CYP46A1: variants seen among roughly 807,000 people sequenced by gnomAD.
CYP46A1 encodes cholesterol 24-hydroxylase.
CYP46A1 carries 20 observed loss-of-function variants against 63.3 expected under a neutral mutation model. The observed-to-expected ratio is 0.32, with a 90% confidence interval of 0.22 to 0.46. The LOEUF (loss-of-function observed/expected upper bound fraction) is 0.46, where lower values mean the gene tolerates loss of function less well. Among genes scored for constraint, CYP46A1 ranks in the 20% least tolerant of loss-of-function variants. The probability of loss-of-function intolerance (pLI) is 1.00; values close to 1 mark genes in which losing one functional copy is unlikely to be tolerated. For missense variants in CYP46A1, 445 were observed against 670.8 expected, an observed-to-expected ratio of 0.66 and a Z score of 3.72; for synonymous variants, 268 against 273.6, an observed-to-expected ratio of 0.98 and a Z score of 0.20.
Position 99,725,489 on chromosome 14 carries a change from T to G in CYP46A1, c.1265+10T>G. The G allele has an allele frequency of 1.2e-6, 2 of 1,608,368 alleles. No homozygotes were observed. The highest frequency in any genetic ancestry group is 1.7e-6 in the Non-Finnish European group (2 of 1,174,800). On this transcript the variant is annotated intron_variant, in intron 13 of 14. Coordinates refer to ENST00000261835, the MANE Select transcript of CYP46A1 (RefSeq NM_006668.2). The surrounding 1 kb of genome is among the most constrained non-coding windows in gnomAD (Gnocchi z 4.2). ...GCCCTGGAGCACCCAAGTAAGTCCC[T>G]CCTGGAGCTGCCCATGAGTGGGGCT...
In CYP46A1 at chr14:99,726,223, C is replaced by T; in HGVS notation, c.1299C>T (p.Gly433=). Residue 433 remains glycine (G), a synonymous_variant, in exon 14 of 15, where the codon GGC becomes GGT. Transcript: ENST00000261835. The part of the protein sequence containing the change: ...PRFTYFPFSL[G]HRSCIGQQFA... ...TCACCTACTTCCCCTTCTCCCTGGG[C>T]CACCGCTCCTGCATCGGGCAGCAGT... is the stretch of plus-strand genomic sequence containing the variant. 1.2e-6 allele frequency: 2 copies of T among 1,613,948 alleles called. No homozygotes were observed. Among genetic ancestry groups the T allele is most frequent in the Admixed American group, 1.7e-5 (1 of 60,022 alleles).
chr14:99,719,327 T>C (rs2056821798), intron 10 of CYP46A1, among the ~76,000 whole-genome samples: 1 of 151,782 alleles, frequency 6.6e-6, no homozygotes, highest in African/African-American at 2.4e-5. Flanking sequence ...TTCTCCTGCC[T>C]CAGCCTCCAG....
chr14:99,716,247 C>T, intron 9 of CYP46A1, 48 bp downstream of exon 9: 2 of 1,594,316 alleles, frequency 1.3e-6, no homozygotes, highest in Middle Eastern at 3.4e-4. Flanking sequence ...TGCAGAAATG[C>T]TGTGGACCAT....
chr14:99,706,998 A>G (rs1191099580), intron 6 of CYP46A1, among the ~76,000 whole-genome samples: 1 of 152,252 alleles, frequency 6.6e-6, no homozygotes. Flanking sequence ...TTCTTGAGCA[A>G]GGGACAGGTG....
At chr14:99,699,014 T>C (rs2056608213) in intron 3 of CYP46A1, among the ~76,000 whole-genome samples, 1 of 152,164 alleles carries the variant, frequency 6.6e-6, no homozygotes, top group Non-Finnish European at 1.5e-5. Context: ...GCCTTCACAC[T>C]TCCTTGACTG....
chr14:99,725,425 A>G lies in CYP46A1; in HGVS notation c.1211A>G (p.Tyr404Cys). 1.9e-6 allele frequency: 3 copies of G among 1,614,110 alleles called. No individual in the cohort carries two copies. Among genetic ancestry groups the G allele is most frequent in the Non-Finnish European group, 2.5e-6 (3 of 1,180,010 alleles). The change falls in exon 13 of 15, where the codon TAC becomes TGC. Residue 404 changes from tyrosine (Y) to cysteine (C), a missense_variant. Around this residue, in one of 4 missense-constraint regions of CYP46A1, gnomAD observed 95 missense variants for 156.9 expected, o/e 0.61. Transcript: ENST00000261835. This position sits in a 1 kb window ranked among gnomAD's most constrained non-coding sequence, Gnocchi z 4.2. ...STYVMGRMDT[Y>C]FEDPLTFNPD... ...TATGTCATGGGGCGGATGGACACAT[A>G]CTTTGAGGACCCGCTGACTTTCAAC... is the stretch of plus-strand genomic sequence containing the variant.
chr14:99,711,606 A>G (rs1287865877), intron 7 of CYP46A1: 2 of 152,150 alleles, frequency 1.3e-5, no homozygotes, highest in African/African-American at 4.8e-5. Flanking sequence ...GAACAGACCA[A>G]TGGTGAGTAA....
intron 3 of CYP46A1, among the ~76,000 whole-genome samples, chr14:99,699,243 G>A (rs1159659116): frequency 6.6e-6 from 1 of 152,092 alleles, no homozygotes; most frequent in Non-Finnish European, 1.5e-5. Context: ...CTGACTGTAC[G>A]TCCACAGGAA....
intron 7 of CYP46A1, chr14:99,711,741 T>C (rs575406196): frequency 6.6e-6 from 1 of 152,012 alleles, no homozygotes; most frequent in Non-Finnish European, 1.5e-5. Flanking sequence ...TTCCAAAAAA[T>C]TGAAGAAGAG....
rs1272692596 is a variant in CYP46A1, at chr14:99,726,744, G to A, written c.*17G>A. The A allele has an allele frequency of 1.3e-6, 2 of 1,499,828 alleles. No individual in the cohort carries two copies. The highest frequency in any genetic ancestry group is 1.8e-6 in the Non-Finnish European group (2 of 1,121,460). 92.9% of individuals were successfully genotyped at this position (1,499,828 alleles called of 1,614,324 possible). On this transcript the variant is annotated 3_prime_UTR_variant, in exon 15 of 15. Coordinates refer to ENST00000261835, the MANE Select transcript of CYP46A1 (RefSeq NM_006668.2). ...CCCTGCTGAGGGGGCCTCCAGGCAGGACGAGACTCCTCGGGCAAGGGCCGT... is the reference window on the plus strand; with the variant it reads ...CCCTGCTGAGGGGGCCTCCAGGCAGAACGAGACTCCTCGGGCAAGGGCCGT...
At chr14:99,699,972 A>G (rs1449344672) in intron 4 of CYP46A1, 43 bp from the exon 5 acceptor site, 9 of 315,846 alleles carry the variant, frequency 2.8e-5, no homozygotes, top group Non-Finnish European at 4.0e-5. Context: ...GTCGCTCCCC[A>G]CCCCCCACCC....
intron 7 of CYP46A1, chr14:99,708,100 A>G (rs914063433): frequency 1.5e-5 from 4 of 261,208 alleles, no homozygotes; most frequent in African/African-American, 6.8e-5. Context: ...CACCCGCTGC[A>G]GCTACCACCA....
chr14:99,701,180 G>A (rs1438194707), intron 5 of CYP46A1, among the ~76,000 whole-genome samples: 3 of 152,092 alleles, frequency 2.0e-5, no homozygotes, highest in Non-Finnish European at 4.4e-5. Context: ...GTAAGCTAAG[G>A]CTAATTTATT....
chr14:99,726,869 G>A lies in CYP46A1; in HGVS notation c.*142G>A, dbSNP rs548961533. On this transcript the variant is annotated 3_prime_UTR_variant, in exon 15 of 15. Transcript: ENST00000261835. Reference sequence around the variant, plus strand: ...GCTTCCAGCGGGCCCTCTGCCGACCGCCTGCTTCACACCCCTCAGCGCTCC... The same window carrying A: ...GCTTCCAGCGGGCCCTCTGCCGACCACCTGCTTCACACCCCTCAGCGCTCC... 12 of 654,210 alleles carry A rather than the reference G, an allele frequency of 1.8e-5. No homozygotes were observed. In the South Asian group the frequency reaches 2.2e-4, roughly 12 times the overall value. The allele number at this position is 654,210 out of a possible 1,614,324, so 40.5% of individuals were successfully genotyped here. A position where few individuals can be genotyped will look rare whatever the true frequency, so the allele number is the denominator to read the frequency against.
chr14:99,721,367 C>A, intron 11 of CYP46A1, 44 bp downstream of exon 11: 1 of 1,296,932 alleles, frequency 7.7e-7, no homozygotes, highest in Non-Finnish European at 1.1e-6. Context: ...TGTGGGTGAT[C>A]ATGTCATCAT....
At position 99,715,963 on chromosome 14, in the gene CYP46A1, G is replaced by A. The variant is rs2056785578; in HGVS notation, c.844+3G>A. On this transcript the variant is annotated splice_donor_region_variant and intron_variant, in intron 8 of 14. Coordinates refer to ENST00000261835, the MANE Select transcript of CYP46A1 (RefSeq NM_006668.2). The stretch of plus-strand genomic sequence containing the variant: ...CATCCTCACACAGATTCTGAAAGGT[G>A]CAAGGGCCCCCTCTGCGGACTGGGG... The A allele has an allele frequency of 1.5e-6, 2 of 1,321,410 alleles. No homozygotes were observed. The highest frequency in any genetic ancestry group is 1.5e-5 in the African/African-American group (1 of 67,324). The allele number at this position is 1,321,410 out of a possible 1,614,324, so 81.9% of individuals were successfully genotyped here. A position where few individuals can be genotyped will look rare whatever the true frequency, so the allele number is the denominator to read the frequency against.
At chr14:99,708,040 C>T in intron 7 of CYP46A1, 1 of 280,372 alleles carries the variant, frequency 3.6e-6, no homozygotes, top group South Asian at 3.8e-5. Flanking sequence ...AAAGGTGCAC[C>T]CTGCCTGCCA....
rs1478014167 is a variant in CYP46A1, at chr14:99,722,970, A to G, written c.1176+904A>G. On this transcript the variant is annotated intron_variant, in intron 12 of 14. Transcript: ENST00000261835. The surrounding 1 kb of genome is among the most constrained non-coding windows in gnomAD (Gnocchi z 4.6). Reference sequence around the variant, plus strand: ...GGACCCCTGACTGTTCAGCTTTACAAACGAACGCCACATTGTTTTCCAAAG... The same window carrying G: ...GGACCCCTGACTGTTCAGCTTTACAGACGAACGCCACATTGTTTTCCAAAG... 3.2e-5 allele frequency: 14 copies of G among 437,724 alleles called. No individual in the cohort carries two copies. Among genetic ancestry groups the G allele is most frequent in the Non-Finnish European group, 4.7e-5 (10 of 213,402 alleles). The allele number at this position is 437,724 out of a possible 1,614,324, so 27.1% of individuals were successfully genotyped here. A position where few individuals can be genotyped will look rare whatever the true frequency, so the allele number is the denominator to read the frequency against.
intron 7 of CYP46A1, 111 bp from the exon 8 acceptor site, chr14:99,715,699 A>T: frequency 7.1e-7 from 1 of 1,414,520 alleles, no homozygotes; most frequent in Non-Finnish European, 9.8e-7. Flanking sequence ...CTCACATTCT[A>T]CTGACCTCCC....
Sources: gnomAD v4.1 joint callset for allele counts (sites outside exome capture counted in the v4.1 genomes callset) on GRCh38, gnomAD v4.1.1 for gene constraint, gnomAD v4.1.1 regional missense constraint, Gnocchi (gnomAD v3.1) non-coding constraint, MANE v1.5 for transcripts, NCBI Gene and HGNC (gene_info 2026-07-23, HGNC 2026-07-21) for gene names.